TLCD3A: variants seen among roughly 807,000 people sequenced by gnomAD.
TLCD3A encodes the protein TLC domain-containing protein 3A.
TLCD3A carries 17 observed loss-of-function variants against 29.9 expected under a neutral mutation model. The observed-to-expected ratio is 0.57, with a 90% CI of 0.39 to 0.85. The LOEUF (loss-of-function observed/expected upper bound fraction) is 0.85. TLCD3A is among the 40% of genes least tolerant of loss of function. TLCD3A has a pLI of 0.00. For synonymous variants in TLCD3A, 143 were observed against 147.7 expected, an observed-to-expected ratio of 0.97 and a Z score of 0.23; for missense variants, 332 against 350.8, an observed-to-expected ratio of 0.95 and a Z score of 0.43.
intron 1 of TLCD3A, 103 bp from the exon 2 acceptor site, chr17:732,995 A>G (rs1974096799): frequency 1.4e-6 from 2 of 1,439,566 alleles, no homozygotes; most frequent in East Asian, 2.6e-5. Flanking sequence ...CGCTCCCCAC[A>G]TCTGCCTGCG....
intron 4 of TLCD3A, among the ~76,000 whole-genome samples, chr17:740,978 C>T (rs113459112): frequency 6.6e-6 from 1 of 152,332 alleles, no homozygotes; most frequent in East Asian, 1.9e-4. Flanking sequence ...TTTGATACAG[C>T]TCATTCTATT....
At chr17:740,714 A>T (rs1224076783) in intron 4 of TLCD3A, 114 bp downstream of exon 4, 9 of 1,085,164 alleles carry the variant, frequency 8.3e-6, no homozygotes, top group South Asian at 1.4e-5. Flanking sequence ...AATGGCAGAG[A>T]GAGTGAAGGT....
chr17:738,543 T>C (rs1049073415), intron 3 of TLCD3A, among the ~76,000 whole-genome samples: 1 of 152,198 alleles, frequency 6.6e-6, no homozygotes, highest in Admixed American at 6.5e-5. Context: ...CATGAAACGT[T>C]CATGATCCTC....
At position 733,135 on chromosome 17, in the gene TLCD3A, T is replaced by G; in HGVS notation, c.160T>G (p.Ser54Ala). 2 of 1,589,126 alleles carry G rather than the reference T, an allele frequency of 1.3e-6. No homozygotes were observed. Among genetic ancestry groups the G allele is most frequent in the South Asian group, 2.3e-5 (2 of 87,532 alleles). The part of the protein sequence containing the change: ...SSVHAVLATG[S>A]GIVIIRSCDD... ...GGTGCACGCCGTGCTGGCCACCGGCTCGGGGATCGTCATCATTCGCTCCTG... is the reference window on the plus strand; with the variant it reads ...GGTGCACGCCGTGCTGGCCACCGGCGCGGGGATCGTCATCATTCGCTCCTG... The change falls in exon 2 of 5, where the codon TCG (serine) becomes GCG (alanine). Residue 54 changes from serine (S) to alanine (A), a missense_variant. By Grantham distance (99) the Ser-to-Ala change is moderately conservative. Coordinates refer to ENST00000308278, the MANE Select transcript of TLCD3A (RefSeq NM_024792.3).
intron 2 of TLCD3A, among the ~76,000 whole-genome samples, chr17:735,490 G>C (rs948244467): frequency 6.6e-6 from 1 of 152,176 alleles, no homozygotes; most frequent in East Asian, 1.9e-4. Context: ...CACAATTTCA[G>C]ATCTCTTCTC....
Position 741,359 on chromosome 17 carries a change from T to C in TLCD3A, c.563T>C (p.Phe188Ser), listed in dbSNP as rs750638690. The stretch of plus-strand genomic sequence containing the variant: ...AATGGAATCCTCACGCTGGCCACCT[T>C]CCTTTCCTGCCGGATCCTTCTCTTC... Reference protein sequence around the residue: ...KVNGILTLATFLSCRILLFPF... With the variant: ...KVNGILTLATSLSCRILLFPF... The change falls in exon 5 of 5, where the codon TTC becomes TCC. Residue 188 changes from phenylalanine to serine, a missense_variant. Physicochemically the swap from Phe to Ser is radical, Grantham distance 155 (BLOSUM62 -2). Coordinates refer to ENST00000308278, the MANE Select transcript of TLCD3A (RefSeq NM_024792.3). The C allele has an allele frequency of 1.2e-6, 2 of 1,614,082 alleles. No homozygotes were observed. Among genetic ancestry groups the C allele is most frequent in the South Asian group, 1.1e-5 (1 of 91,090 alleles).
At chr17:734,404 G>T (rs72810245) in intron 2 of TLCD3A, among the ~76,000 whole-genome samples, 33,073 of 151,654 alleles carry the variant, frequency 0.22, 4,173 homozygotes, top group Non-Finnish European at 0.29. Flanking sequence ...TTGAACTCCA[G>T]GGTTCAAGCC....
At chr17:739,337 C>T (rs1196728922) in intron 3 of TLCD3A, among the ~76,000 whole-genome samples, 7 of 152,066 alleles carry the variant, frequency 4.6e-5, no homozygotes, top group African/African-American at 1.4e-4. Context: ...TACAGATGCA[C>T]GCCACCATGC....
At chr17:734,347 A>C (rs1974122688) in intron 2 of TLCD3A, among the ~76,000 whole-genome samples, 1 of 150,738 alleles carries the variant, frequency 6.6e-6, no homozygotes, top group Non-Finnish European at 1.5e-5. Context: ...TTTCCTGTCG[A>C]GACCTCAGGC....
rs1001831038 is a variant in TLCD3A, at chr17:742,776, A to C, written c.*1206A>C. 8.5e-5 allele frequency: 13 copies of C among 152,670 alleles called. No individual in the cohort carries two copies. Among genetic ancestry groups the C allele is most frequent in the Non-Finnish European group, 1.3e-4 (9 of 68,046 alleles). 9.5% of individuals were successfully genotyped at this position (152,670 alleles called of 1,614,324 possible). ...TGTGTTCTCAAGTGGTAGTTTAAAA[A>C]GTGGATTTTTAAAGTGCCTTTCAAT... On this transcript the variant is annotated 3_prime_UTR_variant, in exon 5 of 5. Transcript: ENST00000308278.
intron 2 of TLCD3A, among the ~76,000 whole-genome samples, chr17:734,274 C>G (rs770030900): frequency 1.2e-4 from 18 of 151,544 alleles, no homozygotes; most frequent in Non-Finnish European, 2.5e-4. Flanking sequence ...CTGCCTCACC[C>G]TCACAAAGTG....
In TLCD3A at chr17:737,982, A is replaced by T. The variant is rs1287302139; in HGVS notation, c.343A>T (p.Ser115Cys). 5.0e-6 allele frequency: 8 copies of T among 1,613,696 alleles called. No individual in the cohort carries two copies. Among genetic ancestry groups the T allele is most frequent in the African/African-American group, 4.0e-5 (3 of 74,792 alleles). ...CTCCCTCACTCTTCGAAACTTCCTA[A>T]GTCGAAACCGCCTCATGATCACACA... Reference protein sequence around the residue: ...APSLTLRNFLSRNRLMITHHA... With the variant: ...APSLTLRNFLCRNRLMITHHA... Residue 115 changes from serine (S) to cysteine (C), a missense_variant, in exon 3 of 5, where the codon AGT becomes TGT. Coordinates refer to ENST00000308278, the MANE Select transcript of TLCD3A (RefSeq NM_024792.3).
intron 2 of TLCD3A, among the ~76,000 whole-genome samples, chr17:733,601 C>T (rs962938077): frequency 2.0e-5 from 3 of 152,210 alleles, no homozygotes; most frequent in Admixed American, 1.3e-4. Flanking sequence ...AAACGCCGCT[C>T]TTGCTTTTCC....
At position 742,767 on chromosome 17, in the gene TLCD3A, A is replaced by G. The variant is rs1348804645; in HGVS notation, c.*1197A>G. On this transcript the variant is annotated 3_prime_UTR_variant, in exon 5 of 5. Transcript: ENST00000308278. ...GTGCTACCATGTGTTCTCAAGTGGT[A>G]GTTTAAAAAGTGGATTTTTAAAGTG... The G allele has an allele frequency of 6.6e-6, 1 of 152,646 alleles. No homozygotes were observed. Among genetic ancestry groups the G allele is most frequent in the Non-Finnish European group, 1.5e-5 (1 of 68,034 alleles). 9.5% of individuals were successfully genotyped at this position (152,646 alleles called of 1,614,324 possible).
At chr17:732,952 G>T in intron 1 of TLCD3A, 146 bp from the exon 2 acceptor site, 1 of 1,401,902 alleles carries the variant, frequency 7.1e-7, no homozygotes, top group Non-Finnish European at 9.5e-7. Flanking sequence ...CGGGGCCGGG[G>T]CGGGCGGGAA....
Position 741,287 on chromosome 17 carries a change from C to T in TLCD3A, c.505-14C>T, listed in dbSNP as rs368779287. 9.3e-6 allele frequency: 15 copies of T among 1,611,938 alleles called. No individual in the cohort carries two copies. Among genetic ancestry groups the T allele is most frequent in the African/African-American group, 1.3e-5 (1 of 74,754 alleles). On this transcript the variant is annotated splice_polypyrimidine_tract_variant and intron_variant, in intron 4 of 4. Coordinates refer to ENST00000308278, the MANE Select transcript of TLCD3A (RefSeq NM_024792.3). ...CTTGGTGACCTTACCTTTTTCCTTC[C>T]TCTTCTATTGCAGCTAAAGCAGCAG...
chr17:734,726 C>T (rs1489472821), intron 2 of TLCD3A, among the ~76,000 whole-genome samples: 1 of 152,154 alleles, frequency 6.6e-6, no homozygotes, highest in Non-Finnish European at 1.5e-5. Flanking sequence ...TTAAAAATCC[C>T]CCCAAATTAT....
chr17:738,476 G>C (rs760345569), intron 3 of TLCD3A, among the ~76,000 whole-genome samples: 20 of 152,218 alleles, frequency 1.3e-4, no homozygotes, highest in Non-Finnish European at 2.4e-4. Context: ...CATTCTCCTT[G>C]TGCCTGCTGC....
rs1974272248 is a variant in TLCD3A, at chr17:742,445, A to G, written c.*875A>G. The G allele has an allele frequency of 6.6e-6, 1 of 152,248 alleles. No individual in the cohort carries two copies. The highest frequency in any genetic ancestry group is 6.5e-5 in the Admixed American group (1 of 15,282). 9.4% of individuals were successfully genotyped at this position (152,248 alleles called of 1,614,324 possible). ...GTTTACTGGGTAACCCCACTGTGACACTGTCCTTTTCATGTGATGTGGAAA... is the reference window on the plus strand; with the variant it reads ...GTTTACTGGGTAACCCCACTGTGACGCTGTCCTTTTCATGTGATGTGGAAA... On this transcript the variant is annotated 3_prime_UTR_variant, in exon 5 of 5. Transcript: ENST00000308278.
Sources: allele counts gnomAD v4.1 joint callset (sites outside exome capture counted in the v4.1 genomes callset), GRCh38; gene constraint gnomAD v4.1.1; transcripts MANE v1.5; gene names NCBI Gene and HGNC (gene_info 2026-07-23, HGNC 2026-07-21).